Variants in ACAN observed in about 807,000 individuals in gnomAD.
ACAN encodes the protein aggrecan.
In ACAN, 47 loss-of-function variants were observed where a neutral mutation model predicts 169.1. That is an observed-to-expected ratio of 0.28 (90% CI 0.22 to 0.35). The LOEUF is 0.35. Among genes scored for constraint, ACAN ranks in the 10% least tolerant of loss-of-function variants. The pLI, the probability that ACAN is intolerant of heterozygous loss-of-function variation, is 1.00. For synonymous variants in ACAN, 1,115 were observed against 1,112.2 expected (o/e 1.00, Z -0.05); for missense variants, 2,716 against 2,759.9 (o/e 0.98, Z 0.36).
chr15:88,839,703 G>T lies in ACAN; in HGVS notation c.455-309G>T, dbSNP rs373615138. On this transcript the variant is annotated intron_variant, in intron 3 of 18. Coordinates refer to ENST00000560601, the MANE Select transcript of ACAN (RefSeq NM_001369268.1). This position sits in a 1 kb window ranked among gnomAD's most constrained non-coding sequence, Gnocchi z 4.5. The stretch of plus-strand genomic sequence containing the variant: ...CTGTTTCTCTTAATGCAATATGGGG[G>T]TCTTGGAGTGATAAGAAAAAATTAT... Among the ~76,000 whole-genome samples, 454 of 152,300 alleles carry T rather than the reference G, an allele frequency of 3.0e-3. 20 individuals carry two copies. The South Asian group carries it at 0.081, about 27-fold the overall frequency.
chr15:88,821,786 G>A (rs994102059), intron 1 of ACAN, among the ~76,000 whole-genome samples: 3 of 152,170 alleles, frequency 2.0e-5, no homozygotes, highest in African/African-American at 7.2e-5. Context: ...TCATGGATCA[G>A]GGTGGGAGGT....
In ACAN at chr15:88,845,689, G is replaced by A. The variant is rs116981974; in HGVS notation, c.1236G>A (p.Leu412=). 13,706 of 1,614,042 alleles carry A rather than the reference G, an allele frequency of 8.5e-3. 67 individuals carry two copies. The highest frequency in any genetic ancestry group is 0.013 in the Middle Eastern group (81 of 6,062). ...KPIFEVSPSP[L]EPEEPFTFAP... ...TCTTCGAGGTCTCCCCCAGTCCCCT[G>A]GAACCCGAGGAGCCCTTCACGTTTG... Residue 412 remains leucine (L), a synonymous_variant, in exon 7 of 19, where the codon CTG becomes CTA. Coordinates refer to ENST00000560601, the MANE Select transcript of ACAN (RefSeq NM_001369268.1).
Position 88,803,799 on chromosome 15 carries a change from A to C in ACAN, c.-18A>C, listed in dbSNP as rs1895600799. ...CTGAAGTTCTTGGAGAAGGGAGTCC[A>C]ACTCTTCAAGGTAACTGTCTCCTTC... On this transcript the variant is annotated 5_prime_UTR_variant, in exon 1 of 19. Transcript: ENST00000560601. 6.6e-6 allele frequency: 1 copy of C among 152,168 alleles called. No individual in the cohort carries two copies. The highest frequency in any genetic ancestry group is 2.1e-4 in the South Asian group (1 of 4,828). The allele number at this position is 152,168 out of a possible 1,614,324, so 9.4% of individuals were successfully genotyped here.
Position 88,814,374 on chromosome 15 carries a change from T to C in ACAN, c.-8+10565T>C, listed in dbSNP as rs1286178087. ...TTTTTGGATGATCATGACTGCCTCC[T>C]CTTGCCCAAACTGAAGTTTCTCAGC... is the stretch of plus-strand genomic sequence containing the variant. On this transcript the variant is annotated intron_variant, in intron 1 of 18. Coordinates refer to ENST00000560601, the MANE Select transcript of ACAN (RefSeq NM_001369268.1). This position sits in a 1 kb window ranked among gnomAD's most constrained non-coding sequence, Gnocchi z 4.0. Among the ~76,000 whole-genome samples, 1 of 152,214 alleles carries C rather than the reference T, an allele frequency of 6.6e-6. No individual in the cohort carries two copies. The highest frequency in any genetic ancestry group is 1.9e-4 in the East Asian group (1 of 5,200).
intron 13 of ACAN, among the ~76,000 whole-genome samples, chr15:88,867,415 A>G (rs1350180055): frequency 4.6e-5 from 7 of 152,130 alleles, no homozygotes; most frequent in African/African-American, 1.7e-4. Context: ...GTAGCTCCGA[A>G]CGCTTGTCTC....
At position 88,873,094 on chromosome 15, in the gene ACAN, G is replaced by T; in HGVS notation, c.7447+69G>T. On this transcript the variant is annotated intron_variant, in intron 17 of 18. Transcript: ENST00000560601. This position sits in a 1 kb window ranked among gnomAD's most constrained non-coding sequence, Gnocchi z 7.5. ...ACCTCCAGCTACAGGTGAGGCTCTT[G>T]CTGTGTGGCCTGGGGTGAGTCCCTT... The T allele has an allele frequency of 6.4e-7, 1 of 1,551,116 alleles. No homozygotes were observed. The highest frequency in any genetic ancestry group is 8.7e-7 in the Non-Finnish European group (1 of 1,145,346).
rs771413785 is a variant in ACAN, at chr15:88,851,795, C to T, written c.2028C>T (p.Gly676=). Residue 676 remains glycine (G), a splice_region_variant and synonymous_variant, in exon 11 of 19, where the codon GGC becomes GGT. Coordinates refer to ENST00000560601, the MANE Select transcript of ACAN (RefSeq NM_001369268.1). The surrounding 1 kb of genome is among the most constrained non-coding windows in gnomAD (Gnocchi z 4.3). ...TCTGACCACCCACATCTCCTTTAGG[C>T]ATTTCAGCGGTTCCTTCTCCAGGAG... ...LSRHHAFCFR[G]ISAVPSPGEE... is the part of the protein sequence containing the mutation. 1 of 1,585,504 alleles carries T rather than the reference C, an allele frequency of 6.3e-7. No individual in the cohort carries two copies.
chr15:88,847,465 G>T, intron 8 of ACAN, 48 bp downstream of exon 8: 1 of 1,488,554 alleles, frequency 6.7e-7, no homozygotes, highest in South Asian at 1.4e-5. Context: ...AAGAGGTCAG[G>T]CTTAAGGAGC....
At chr15:88,845,127 T>C (rs980925203) in intron 6 of ACAN, among the ~76,000 whole-genome samples, 3 of 152,222 alleles carry the variant, frequency 2.0e-5, no homozygotes, top group Non-Finnish European at 2.9e-5. Flanking sequence ...TATAACTGAC[T>C]TACCTGGTCC....
chr15:88,841,978 G>A, intron 5 of ACAN, 111 bp downstream of exon 5: 1 of 1,412,338 alleles, frequency 7.1e-7, no homozygotes, highest in East Asian at 2.3e-5. Context: ...CTCAGGGCCT[G>A]ACACACTCTG....
chr15:88,836,303 C>A, intron 2 of ACAN, 27 bp downstream of exon 2: 6 of 1,585,446 alleles, frequency 3.8e-6, no homozygotes, highest in Middle Eastern at 3.3e-4. Flanking sequence ...ACATGTTTCA[C>A]GTATTCAGTA....
chr15:88,847,154 C>T, intron 7 of ACAN, 89 bp from the exon 8 acceptor site: 1 of 1,314,926 alleles, frequency 7.6e-7, no homozygotes, highest in Non-Finnish European at 1.0e-6. Context: ...TGTCAGGCAG[C>T]AGGAGTTGGC....
At chr15:88,812,581 C>T (rs951857355) in intron 1 of ACAN, among the ~76,000 whole-genome samples, 1 of 152,178 alleles carries the variant, frequency 6.6e-6, no homozygotes, top group Non-Finnish European at 1.5e-5. Context: ...CTTTTGCCCT[C>T]TCGGTCCCCC....
At chr15:88,845,334 C>T (rs748013371) in intron 6 of ACAN, among the ~76,000 whole-genome samples, 171 bp from the exon 7 acceptor site, 5 of 152,202 alleles carry the variant, frequency 3.3e-5, no homozygotes, top group East Asian at 1.9e-4. Flanking sequence ...CAATGAATGC[C>T]GATAGCTGAG....
intron 4 of ACAN, among the ~76,000 whole-genome samples, chr15:88,840,750 A>G (rs1414542058): frequency 6.6e-6 from 1 of 150,688 alleles, no homozygotes; most frequent in Non-Finnish European, 1.5e-5. Flanking sequence ...GTCTCGGGGT[A>G]GGAAAACAGA....
intron 1 of ACAN, among the ~76,000 whole-genome samples, chr15:88,820,978 A>C (rs1057104911): frequency 6.6e-6 from 1 of 152,300 alleles, no homozygotes; most frequent in African/African-American, 2.4e-5. Flanking sequence ...ATCCTTCTTC[A>C]CATGATGGCA....
rs1172023478 is a variant in ACAN at position 88,814,444 on chromosome 15, G to A, written c.-8+10635G>A. Among the ~76,000 whole-genome samples the A allele has an allele frequency of 6.6e-6, 1 of 152,198 alleles. No homozygotes were observed. Among genetic ancestry groups the A allele is most frequent in the African/African-American group, 2.4e-5 (1 of 41,444 alleles). On this transcript the variant is annotated intron_variant, in intron 1 of 18. Transcript: ENST00000560601. The surrounding 1 kb of genome is among the most constrained non-coding windows in gnomAD (Gnocchi z 4.0). The stretch of plus-strand genomic sequence containing the variant: ...GCTCTTAAGATAGTCTTACCATCCT[G>A]GAGCAGAAAGGGGCCTCAGGAATGC...
intron 1 of ACAN, among the ~76,000 whole-genome samples, chr15:88,811,009 G>C (rs1183956704): frequency 6.6e-6 from 1 of 152,200 alleles, no homozygotes; most frequent in African/African-American, 2.4e-5. Context: ...TCCTTTAGGG[G>C]AGTGAGAAGG....
At chr15:88,811,976 G>T (rs572496533) in intron 1 of ACAN, among the ~76,000 whole-genome samples, 3 of 152,276 alleles carry the variant, frequency 2.0e-5, no homozygotes, top group African/African-American at 7.2e-5. Context: ...AACCCAAGTG[G>T]GTCTCTGTTG....
Sources: gnomAD v4.1 joint callset for allele counts (sites outside exome capture counted in the v4.1 genomes callset) on GRCh38, gnomAD v4.1.1 for gene constraint, Gnocchi (gnomAD v3.1) non-coding constraint, MANE v1.5 for transcripts, NCBI Gene and HGNC (gene_info 2026-07-23, HGNC 2026-07-21) for gene names.